The following AGTPBP1 variants were observed in gnomAD, a reference collection of about 807,000 sequenced individuals.
The protein encoded by AGTPBP1 is cytosolic carboxypeptidase 1.
Under a neutral mutation model 143.9 loss-of-function variants are expected in AGTPBP1, and 70 were observed. The observed-to-expected ratio is 0.49, with a 90% CI of 0.40 to 0.59. The LOEUF (loss-of-function observed/expected upper bound fraction) is 0.59. Ranked by LOEUF, AGTPBP1 falls within the 20% of genes least tolerant of loss-of-function variation. AGTPBP1 has a pLI of 0.00. For synonymous variants in AGTPBP1, 463 were observed against 500.2 expected (o/e 0.93, Z 0.99); for missense variants, 1,229 against 1,464.5 (o/e 0.84, Z 2.62).
At chr9:85,760,147 A>T in the AGTPBP1 span, among the ~76,000 whole-genome samples, 15 of 152,338 alleles carry the variant, frequency 9.8e-5, no homozygotes, top group African/African-American at 3.6e-4. Context: ...AACCGAAAAA[A>T]GTCCAGGATC....
At chr9:85,571,289 C>T (rs1474600986) in intron 25 of AGTPBP1, among the ~76,000 whole-genome samples, 1 of 152,054 alleles carries the variant, frequency 6.6e-6, no homozygotes, top group African/African-American at 2.4e-5. Flanking sequence ...GATTCCAACC[C>T]TGAGATAAAG....
intron 13 of AGTPBP1, among the ~76,000 whole-genome samples, chr9:85,641,331 C>T (rs763328437): frequency 4.8e-4 from 73 of 152,274 alleles, no homozygotes; most frequent in Non-Finnish European, 6.5e-4. Context: ...TTTGTTATTA[C>T]TGATATTTTC....
At chr9:85,739,299 GC>G (rs555808536) in intron 1 of AGTPBP1, among the ~76,000 whole-genome samples, 1 of 152,176 alleles carries the variant, frequency 6.6e-6, no homozygotes, top group African/African-American at 2.4e-5. Context: ...CTTGCAGATG[GC>G]CCTCTGACAG....
intron 1 of AGTPBP1, among the ~76,000 whole-genome samples, chr9:85,721,863 C>T (rs1289851973): frequency 6.6e-6 from 1 of 152,092 alleles, no homozygotes; most frequent in Non-Finnish European, 1.5e-5. Context: ...TAAGGCAGGC[C>T]TGGTGGTGAC....
the AGTPBP1 span, chr9:85,781,424 T>C: frequency 4.3e-6 from 6 of 1,405,638 alleles, no homozygotes; most frequent in Non-Finnish European, 5.7e-6. Context: ...GGTGAAGTCA[T>C]GCCAGCTTTG....
At chr9:85,711,770 T>C (rs1837391127) in intron 2 of AGTPBP1, among the ~76,000 whole-genome samples, 1 of 152,136 alleles carries the variant, frequency 6.6e-6, no homozygotes, top group Non-Finnish European at 1.5e-5. Context: ...CCAAATAGTA[T>C]ATATTTTAGG....
intron 14 of AGTPBP1, among the ~76,000 whole-genome samples, chr9:85,627,028 A>G (rs552018083): frequency 3.9e-5 from 6 of 152,288 alleles, no homozygotes; most frequent in African/African-American, 1.2e-4. Flanking sequence ...CTTTTTTAAT[A>G]TGACCAACAA....
intron 1 of AGTPBP1, among the ~76,000 whole-genome samples, chr9:85,733,408 C>T (rs1839017690): frequency 6.6e-6 from 1 of 151,982 alleles, no homozygotes; most frequent in African/African-American, 2.4e-5. Context: ...ACTGGGTTAA[C>T]CAGAAAATAG....
At chr9:85,576,653 C>A (rs1470634527) in intron 24 of AGTPBP1, among the ~76,000 whole-genome samples, 1 of 152,064 alleles carries the variant, frequency 6.6e-6, no homozygotes, top group East Asian at 1.9e-4. Flanking sequence ...GTGAAAAAGA[C>A]TAAAATATTA....
At chr9:85,794,706 T>C in the AGTPBP1 span, among the ~76,000 whole-genome samples, 4 of 152,204 alleles carry the variant, frequency 2.6e-5, no homozygotes, top group Admixed American at 2.6e-4. Flanking sequence ...TTGATAGGAA[T>C]TGCATTGAAT....
At chr9:85,785,916 TGTAA>T in the AGTPBP1 span, 1 of 500,832 alleles carries the variant, frequency 2.0e-6, no homozygotes, top group African/African-American at 2.0e-5. Flanking sequence ...GCAAGATGCC[TGTAA>T]GTGAAATAAA....
chr9:85,792,255 A>G, the AGTPBP1 span: 1 of 152,348 alleles, frequency 6.6e-6, no homozygotes, highest in South Asian at 2.1e-4. Flanking sequence ...TCTATCCTCT[A>G]GGAATGAAAA....
intron 3 of AGTPBP1, among the ~76,000 whole-genome samples, chr9:85,683,065 C>CTTA (rs1835286959): frequency 6.6e-6 from 1 of 152,102 alleles, no homozygotes; most frequent in South Asian, 2.1e-4. Context: ...CTTAAGGAAC[C>CTTA]TTACATCTTT....
the AGTPBP1 span, among the ~76,000 whole-genome samples, chr9:85,749,296 C>T: frequency 2.0e-5 from 3 of 152,054 alleles, no homozygotes; most frequent in South Asian, 2.1e-4. Context: ...CACCTTGCCA[C>T]GTAGGGCAAT....
At chr9:85,686,951 G>A (rs2134211329) in intron 3 of AGTPBP1, among the ~76,000 whole-genome samples, 1 of 152,244 alleles carries the variant, frequency 6.6e-6, no homozygotes, top group South Asian at 2.1e-4. Context: ...ACTCAGACTA[G>A]TTAAGAAGCA....
At chr9:85,557,815 GT>G (rs1826447157) in intron 25 of AGTPBP1, among the ~76,000 whole-genome samples, 1 of 152,082 alleles carries the variant, frequency 6.6e-6, no homozygotes, top group Non-Finnish European at 1.5e-5. Flanking sequence ...GATAACAGAG[GT>G]TAACATTTCA....
At chr9:85,639,389 A>G (rs1423254904) in intron 13 of AGTPBP1, among the ~76,000 whole-genome samples, 1 of 152,144 alleles carries the variant, frequency 6.6e-6, no homozygotes, top group Admixed American at 6.5e-5. Context: ...ACACACACAC[A>G]CACACACACA....
the AGTPBP1 span, among the ~76,000 whole-genome samples, chr9:85,785,511 G>C: frequency 1.3e-5 from 2 of 152,258 alleles, no homozygotes; most frequent in African/African-American, 4.8e-5. Flanking sequence ...CTCTAGCTTT[G>C]ATCTCTTCAC....
intron 3 of AGTPBP1, among the ~76,000 whole-genome samples, chr9:85,689,228 TA>T (rs1402762720): frequency 2.0e-5 from 3 of 152,168 alleles, no homozygotes; most frequent in Non-Finnish European, 4.4e-5. Flanking sequence ...GTTCGTGTGC[TA>T]AAGGGCAGAG....
Sources: gnomAD v4.1 joint callset for allele counts (sites outside exome capture counted in the v4.1 genomes callset) on GRCh38, gnomAD v4.1.1 for gene constraint, MANE v1.5 for transcripts, NCBI Gene and HGNC (gene_info 2026-07-23, HGNC 2026-07-21) for gene names.